Variants in RSPO2 observed in about 807,000 individuals in gnomAD.
RSPO2 encodes R-spondin 2, also known as R-spondin-2.
A neutral mutation model predicts 30.9 loss-of-function variants in RSPO2; 14 were observed. That is an observed-to-expected ratio of 0.45 (90% CI 0.30 to 0.71). RSPO2 has a LOEUF of 0.71. RSPO2 is among the 30% of genes least tolerant of loss of function. RSPO2 has a pLI of 0.08. For synonymous variants in RSPO2, 107 were observed against 96.4 expected (o/e 1.11, Z -0.64); for missense variants, 264 against 301.9 (o/e 0.87, Z 0.93).
intron 3 of RSPO2, among the ~76,000 whole-genome samples, chr8:107,979,504 G>A (rs1045270148): frequency 4.6e-5 from 7 of 152,194 alleles, no homozygotes; most frequent in Middle Eastern, 6.8e-3. Flanking sequence ...ACACAGGAAG[G>A]GGAACATCAC....
intron 3 of RSPO2, among the ~76,000 whole-genome samples, chr8:107,988,098 T>C (rs1431845496): frequency 6.6e-6 from 1 of 152,144 alleles, no homozygotes; most frequent in African/African-American, 2.4e-5. Context: ...CCACAATTTC[T>C]ATGGCTGACC....
chr8:108,050,348 G>C (rs1032371693), intron 2 of RSPO2, among the ~76,000 whole-genome samples: 1 of 152,142 alleles, frequency 6.6e-6, no homozygotes, highest in African/African-American at 2.4e-5. Context: ...AGAAGAGTTT[G>C]TGCAAGAGTG....
chr8:107,946,861 C>T (rs1391578829), intron 5 of RSPO2, among the ~76,000 whole-genome samples: 1 of 152,060 alleles, frequency 6.6e-6, no homozygotes, highest in Non-Finnish European at 1.5e-5. Flanking sequence ...CTGTTTTTTC[C>T]AACATACAAA....
At chr8:107,937,495 T>C (rs1031533428) in intron 5 of RSPO2, among the ~76,000 whole-genome samples, 3 of 101,722 alleles carry the variant, frequency 2.9e-5, no homozygotes, top group Non-Finnish European at 5.1e-5. Flanking sequence ...CAAGTCCACA[T>C]AGTTATTAAG....
intron 5 of RSPO2, among the ~76,000 whole-genome samples, chr8:107,948,866 A>ATAAAC (rs55680371): frequency 6.9e-6 from 1 of 145,798 alleles, no homozygotes; most frequent in Non-Finnish European, 1.5e-5. Flanking sequence ...TCTCAAAAAA[A>ATAAAC]AAATAAATAA....
chr8:108,003,307 ATATATTTT>A (rs1815335996), intron 2 of RSPO2, among the ~76,000 whole-genome samples: 1 of 21,880 alleles, frequency 4.6e-5, no homozygotes, highest in African/African-American at 1.7e-4. Flanking sequence ...ATATATATAT[ATATATTTT>A]TTTTTTTTTT....
intron 5 of RSPO2, among the ~76,000 whole-genome samples, chr8:107,913,806 G>C (rs1004903852): frequency 6.6e-6 from 1 of 152,008 alleles, no homozygotes; most frequent in Non-Finnish European, 1.5e-5. Flanking sequence ...AAAAAGTATA[G>C]AGACTGTTAA....
intron 2 of RSPO2, among the ~76,000 whole-genome samples, chr8:108,057,055 CAAAAAAAAAAAAAAAA>C (rs56727719): frequency 7.2e-4 from 26 of 36,078 alleles, no homozygotes; most frequent in South Asian, 3.5e-3. Flanking sequence ...GACTCTGTCT[CAAAAAAAAAAAAAAAA>C]AAAAAAAAAA....
At chr8:108,067,412 T>C (rs985018468) in intron 2 of RSPO2, among the ~76,000 whole-genome samples, 3 of 152,204 alleles carry the variant, frequency 2.0e-5, no homozygotes, top group African/African-American at 4.8e-5. Context: ...AATGATGTAA[T>C]ATCTGCGATT....
intron 2 of RSPO2, among the ~76,000 whole-genome samples, chr8:108,032,583 C>T (rs529987667): frequency 1.4e-4 from 21 of 152,062 alleles, no homozygotes; most frequent in Non-Finnish European, 2.5e-4. Flanking sequence ...CTCCCCCTAC[C>T]AACCTACTGT....
Position 108,008,593 on chromosome 8 carries a change from G to A in RSPO2, c.95-19349C>T, listed in dbSNP as rs575816873. ...AATCATGAAATGGCATAAAAATATT[G>A]ATGTCATCATATAAGTAACATGCTT... On this transcript the variant is annotated intron_variant, in intron 2 of 5. Transcript: ENST00000276659. 5.3e-5 allele frequency among the ~76,000 whole-genome samples: 8 copies of A among 152,134 alleles called. No homozygotes were observed. In the South Asian group the frequency reaches 1.7e-3, roughly 32 times the overall value.
intron 5 of RSPO2, among the ~76,000 whole-genome samples, chr8:107,911,927 A>G (rs1811839584): frequency 1.3e-5 from 2 of 152,114 alleles, no homozygotes. Context: ...TTCCTGCTCA[A>G]TCCCACACAA....
chr8:108,052,143 G>C (rs1237025219), intron 2 of RSPO2, among the ~76,000 whole-genome samples: 1 of 152,098 alleles, frequency 6.6e-6, no homozygotes, highest in African/African-American at 2.4e-5. Flanking sequence ...CATATAGAAA[G>C]CCAGGAAATT....
chr8:107,982,998 TCCTGGG>T, intron 3 of RSPO2: 3 of 642,460 alleles, frequency 4.7e-6, no homozygotes, highest in Admixed American at 3.3e-5. Flanking sequence ...TACGACTGGC[TCCTGGG>T]GTGCAGAGAG....
At chr8:107,958,648 A>G (rs1813515106) in intron 4 of RSPO2, among the ~76,000 whole-genome samples, 1 of 152,156 alleles carries the variant, frequency 6.6e-6, no homozygotes, top group Non-Finnish European at 1.5e-5. Flanking sequence ...TCACCCAGGT[A>G]TTAAGCCCAG....
At chr8:107,942,092 A>G (rs911563072) in intron 5 of RSPO2, among the ~76,000 whole-genome samples, 1 of 152,164 alleles carries the variant, frequency 6.6e-6, no homozygotes, top group African/African-American at 2.4e-5. Context: ...TGAGATAAGC[A>G]GAGAATAATC....
intron 5 of RSPO2, among the ~76,000 whole-genome samples, chr8:107,902,605 T>C (rs1418599795): frequency 6.6e-6 from 1 of 152,048 alleles, no homozygotes; most frequent in African/African-American, 2.4e-5. Flanking sequence ...GCCATGAGAT[T>C]TCTAAATAAG....
intron 2 of RSPO2, among the ~76,000 whole-genome samples, chr8:108,028,200 T>G (rs555470127): frequency 5.1e-4 from 78 of 152,284 alleles, no homozygotes; most frequent in Non-Finnish European, 1.0e-3. Flanking sequence ...ATTGACCTTC[T>G]TGACCCCCCT....
intron 5 of RSPO2, among the ~76,000 whole-genome samples, chr8:107,914,570 A>G (rs1811921023): frequency 6.6e-6 from 1 of 152,152 alleles, no homozygotes; most frequent in African/African-American, 2.4e-5. Context: ...AAGCTATAAC[A>G]TAGTTATAAT....
Sources: allele counts gnomAD v4.1 joint callset (sites outside exome capture counted in the v4.1 genomes callset), GRCh38; gene constraint gnomAD v4.1.1; transcripts MANE v1.5; gene names NCBI Gene and HGNC (gene_info 2026-07-23, HGNC 2026-07-21).